Variants in RPS29 observed in about 807,000 individuals in gnomAD.
The protein encoded by RPS29 is small ribosomal subunit protein uS14.
For synonymous variants in RPS29, 37 were observed against 26.9 expected (o/e 1.37, Z -1.16); for missense variants, 60 against 75.7 (o/e 0.79, Z 0.77).
At chr14:49,586,070 G>A in intron 1 of RPS29, 21 bp from the exon 2 acceptor site, 1 of 1,601,146 alleles carries the variant, frequency 6.2e-7, no homozygotes, top group Non-Finnish European at 8.6e-7. Flanking sequence ...AGAGACAGCG[G>A]TTTTGCAGGT....
At chr14:49,583,322 G>A (rs1429202417), downstream of RPS29, among the ~76,000 whole-genome samples, 3 of 152,094 alleles carry the variant, frequency 2.0e-5, no homozygotes, top group African/African-American at 7.2e-5. Flanking sequence ...GGCCCAAGGC[G>A]AGCAGATCAC....
chr14:49,584,080 C>T (rs980411241), intron 2 of RPS29, among the ~76,000 whole-genome samples: 1 of 152,200 alleles, frequency 6.6e-6, no homozygotes, highest in Middle Eastern at 3.2e-3. Flanking sequence ...CTCCTGGGTT[C>T]AAGCGATTCT....
chr14:49,582,035 C>T (rs938622778), downstream of RPS29, among the ~76,000 whole-genome samples: 5 of 110,218 alleles, frequency 4.5e-5, no homozygotes, highest in South Asian at 4.8e-4. Context: ...AAAAAAAAAA[C>T]TTAGTGACTA....
At chr14:49,598,623 A>C (rs1411764377) in exon 1 of RPS29, 1 of 701,190 alleles carries the variant, frequency 1.4e-6, no homozygotes, top group Non-Finnish European at 2.6e-6. Flanking sequence ...CTCGGGAAAC[A>C]GCGGCCCGAC....
exon 3 of RPS29, chr14:49,575,349 A>T (rs1229276963): frequency 6.6e-6 from 1 of 152,218 alleles, no homozygotes; most frequent in East Asian, 1.9e-4. Flanking sequence ...GGCATCAGGG[A>T]TCTCTTTCTA....
downstream of RPS29, among the ~76,000 whole-genome samples, chr14:49,583,404 G>A (rs1881401679): frequency 6.6e-6 from 1 of 151,954 alleles, no homozygotes; most frequent in Non-Finnish European, 1.5e-5. Flanking sequence ...AGAAGAATTA[G>A]CTAGGTTTGG....
downstream of RPS29, among the ~76,000 whole-genome samples, chr14:49,581,715 G>A (rs960518825): frequency 6.6e-6 from 1 of 152,048 alleles, no homozygotes; most frequent in Non-Finnish European, 1.5e-5. Flanking sequence ...TCCTGTATCG[G>A]TTCCTTCAAC....
At chr14:49,578,725 TA>T (rs893176364), downstream of RPS29, among the ~76,000 whole-genome samples, 1 of 151,826 alleles carries the variant, frequency 6.6e-6, no homozygotes, top group Admixed American at 6.6e-5. Flanking sequence ...CATGCTCAAC[TA>T]ATTTTTGTAT....
intron 1 of RPS29, among the ~76,000 whole-genome samples, chr14:49,594,119 G>A (rs1881772706): frequency 6.6e-6 from 1 of 152,158 alleles, no homozygotes; most frequent in African/African-American, 2.4e-5. Context: ...TTCTATGATA[G>A]GATATCCCTC....
chr14:49,586,804 C>G (rs1881588796), upstream of RPS29: 1 of 211,718 alleles, frequency 4.7e-6, no homozygotes, highest in African/African-American at 2.2e-5. Flanking sequence ...AACTCCCGTG[C>G]TGATCAGTAG....
downstream of RPS29, among the ~76,000 whole-genome samples, chr14:49,582,736 C>T (rs865972670): frequency 6.6e-5 from 10 of 152,220 alleles, no homozygotes; most frequent in African/African-American, 2.4e-4. Context: ...CCTAACAACA[C>T]ATTTCTAATA....
exon 3 of RPS29, chr14:49,574,146 T>C (rs1389441777): frequency 1.3e-5 from 2 of 152,206 alleles, no homozygotes; most frequent in South Asian, 2.1e-4. Flanking sequence ...GTAACCCACA[T>C]ATCTTTGGTT....
At chr14:49,584,803 T>C (rs1881464872) in intron 2 of RPS29, among the ~76,000 whole-genome samples, 1 of 151,410 alleles carries the variant, frequency 6.6e-6, no homozygotes. Flanking sequence ...AACAGTACTA[T>C]CCAATACAAA....
At chr14:49,598,595 G>C (rs1179041249) in exon 1 of RPS29, 2 of 701,784 alleles carry the variant, frequency 2.8e-6, no homozygotes, top group African/African-American at 1.7e-5. Context: ...CTGTAACGCA[G>C]AGGCACACCT....
At chr14:49,582,052 C>A (rs1185648995), downstream of RPS29, among the ~76,000 whole-genome samples, 1 of 147,696 alleles carries the variant, frequency 6.8e-6, no homozygotes, top group African/African-American at 2.6e-5. Flanking sequence ...ACTATCTCAA[C>A]CACTCCCATC....
chr14:49,588,876 C>CTTTTTTTTT (rs577408713), upstream of RPS29, among the ~76,000 whole-genome samples: 1 of 92,466 alleles, frequency 1.1e-5, no homozygotes, highest in African/African-American at 3.8e-5. Context: ...TTTCTGAGTC[C>CTTTTTTTTT]TTTTTTTTTT....
intron 1 of RPS29, among the ~76,000 whole-genome samples, chr14:49,591,833 G>T (rs935870813): frequency 6.7e-6 from 1 of 150,014 alleles, no homozygotes; most frequent in African/African-American, 2.5e-5. Flanking sequence ...TGTTAGCCAG[G>T]ATGGTCTCGA....
chr14:49,589,424 GATCTT>G (rs1330192652), upstream of RPS29, among the ~76,000 whole-genome samples: 1 of 152,134 alleles, frequency 6.6e-6, no homozygotes, highest in Non-Finnish European at 1.5e-5. Flanking sequence ...GCAAAGTATA[GATCTT>G]ATTTTTAAGT....
chr14:49,594,342 C>CAAAAAAA (rs112231373), intron 1 of RPS29, among the ~76,000 whole-genome samples: 1 of 123,792 alleles, frequency 8.1e-6, no homozygotes. Flanking sequence ...GAACCTGTCT[C>CAAAAAAA]AAAAAAAAAA....
Sources: gnomAD v4.1 joint callset for allele counts (sites outside exome capture counted in the v4.1 genomes callset) on GRCh38, gnomAD v4.1.1 for gene constraint, MANE v1.5 for transcripts, NCBI Gene and HGNC (gene_info 2026-07-23, HGNC 2026-07-21) for gene names.